Variants in SLC12A8 observed in about 807,000 individuals in gnomAD.
SLC12A8 encodes cation-chloride cotransporter 9.
Under a neutral mutation model 75.6 loss-of-function variants are expected in SLC12A8, and 69 were observed. The observed-to-expected ratio is 0.91, with a 90% CI of 0.75 to 1.11. The LOEUF (loss-of-function observed/expected upper bound fraction) is 1.11. SLC12A8 is among the 50% of genes most tolerant of loss of function. The probability of loss-of-function intolerance (pLI) is 0.00; values close to 1 mark genes in which losing one functional copy is unlikely to be tolerated. For missense variants in SLC12A8, 877 were observed against 896.7 expected (o/e 0.98, Z 0.28); for synonymous variants, 365 against 372.8 (o/e 0.98, Z 0.24).
intron 10 of SLC12A8, among the ~76,000 whole-genome samples, chr3:125,099,308 T>C (rs1230601305): frequency 6.6e-6 from 1 of 152,204 alleles, no homozygotes; most frequent in Non-Finnish European, 1.5e-5. Context: ...CCAGGCAATT[T>C]ACTAAAATAA....
At chr3:125,127,816 G>GA (rs1933245410) in intron 6 of SLC12A8, among the ~76,000 whole-genome samples, 1 of 151,934 alleles carries the variant, frequency 6.6e-6, no homozygotes, top group African/African-American at 2.4e-5. Flanking sequence ...TAATTATTTT[G>GA]ATAAAACAAT....
rs145278381 is a variant in SLC12A8, at chr3:125,129,520, G to A, written c.736+6149C>T. ...CCTAAATCCAGAGGAGCACCAGACC[G>A]AATCTCCAGCCGCTCTTCCCAGGAA... On this transcript the variant is annotated intron_variant, in intron 6 of 13. Coordinates refer to ENST00000469902, the MANE Select transcript of SLC12A8 (RefSeq NM_024628.6). 1.8e-3 allele frequency among the ~76,000 whole-genome samples: 268 copies of A among 152,132 alleles called. 2 individuals carry two copies. Among genetic ancestry groups the A allele is most frequent in the African/African-American group, 6.1e-3 (254 of 41,478 alleles).
intron 6 of SLC12A8, among the ~76,000 whole-genome samples, chr3:125,128,479 C>CT (rs34392392): frequency 0.014 from 1,549 of 109,826 alleles, 27 homozygotes; most frequent in Admixed American, 0.037. Flanking sequence ...CGCGCCCGGC[C>CT]TTTTTTTTTT....
intron 2 of SLC12A8, among the ~76,000 whole-genome samples, chr3:125,203,924 C>A (rs951803146): frequency 5.2e-4 from 79 of 152,128 alleles, no homozygotes; most frequent in African/African-American, 1.7e-3. Context: ...GTGGGCAAAA[C>A]ATCTAAATAG....
At chr3:125,192,244 G>A (rs773428823) in intron 2 of SLC12A8, among the ~76,000 whole-genome samples, 2 of 152,026 alleles carry the variant, frequency 1.3e-5, no homozygotes, top group East Asian at 3.9e-4. Flanking sequence ...TGCTCCTCAC[G>A]GCAGCCCCGT....
intron 2 of SLC12A8, among the ~76,000 whole-genome samples, chr3:125,201,537 G>A (rs1331063605): frequency 6.6e-6 from 1 of 152,032 alleles, no homozygotes; most frequent in Non-Finnish European, 1.5e-5. Context: ...TACTTTGGGA[G>A]GCCCATGGGA....
chr3:125,111,790 G>A (rs1939194625), intron 8 of SLC12A8, among the ~76,000 whole-genome samples: 1 of 151,676 alleles, frequency 6.6e-6, no homozygotes, highest in Non-Finnish European at 1.5e-5. Flanking sequence ...ACAGTTGATT[G>A]GAAAAAAAAA....
chr3:125,203,442 A>T (rs974824463), intron 2 of SLC12A8, among the ~76,000 whole-genome samples: 4 of 152,256 alleles, frequency 2.6e-5, no homozygotes, highest in African/African-American at 9.6e-5. Flanking sequence ...CCACATATTT[A>T]CAGCCAACTG....
chr3:125,105,204 C>A (rs1046527623), intron 10 of SLC12A8, among the ~76,000 whole-genome samples: 1 of 139,350 alleles, frequency 7.2e-6, no homozygotes, highest in African/African-American at 2.7e-5. Context: ...GATACAAAAT[C>A]GAGATAATAG....
chr3:125,139,621 C>G (rs73859126), intron 5 of SLC12A8, among the ~76,000 whole-genome samples: 5,249 of 152,282 alleles, frequency 0.034, 258 homozygotes, highest in African/African-American at 0.11. Flanking sequence ...ACCCAGACCT[C>G]AGGCATGGTT....
At chr3:125,108,694 A>T (rs481018) in intron 9 of SLC12A8, among the ~76,000 whole-genome samples, 81,841 of 152,100 alleles carry the variant, frequency 0.54, 22,687 homozygotes, top group South Asian at 0.7. Flanking sequence ...AACATGGGGC[A>T]TTATTATAGA....
intron 5 of SLC12A8, among the ~76,000 whole-genome samples, chr3:125,169,006 C>A (rs1332673646): frequency 6.6e-6 from 1 of 152,146 alleles, no homozygotes; most frequent in African/African-American, 2.4e-5. Context: ...CCTGTAGAGA[C>A]CAGGCTACCG....
chr3:125,121,402 C>A (rs1480532213), intron 6 of SLC12A8, among the ~76,000 whole-genome samples: 1 of 152,188 alleles, frequency 6.6e-6, no homozygotes, highest in Admixed American at 6.5e-5. Context: ...ATCCAGCCCA[C>A]AAGTGCCATA....
At position 125,187,222 on chromosome 3, in the gene SLC12A8, G is replaced by A. The variant is rs138422722; in HGVS notation, c.390+15C>T. 5.2e-5 allele frequency: 83 copies of A among 1,606,972 alleles called. No homozygotes were observed. Among genetic ancestry groups the A allele is most frequent in the Non-Finnish European group, 6.3e-5 (74 of 1,174,240 alleles). On this transcript the variant is annotated intron_variant, in intron 4 of 13. Transcript: ENST00000469902. ...GAGGGCCAGGCAGGGGAAGCATCCC[G>A]GGCGCAGGCCTCACCTGTCCAAACA... is the stretch of plus-strand genomic sequence containing the variant.
At chr3:125,096,853 A>G (rs1938724549) in intron 10 of SLC12A8, among the ~76,000 whole-genome samples, 1 of 152,032 alleles carries the variant, frequency 6.6e-6, no homozygotes, top group South Asian at 2.1e-4. Flanking sequence ...TTAGTTTTGT[A>G]CTTATCACTT....
intron 1 of SLC12A8, among the ~76,000 whole-genome samples, chr3:125,211,771 G>A (rs1935340860): frequency 6.6e-6 from 1 of 152,160 alleles, no homozygotes; most frequent in African/African-American, 2.4e-5. Flanking sequence ...CCAGGAGGAG[G>A]GCATCATGAC....
At chr3:125,091,406 G>C in intron 12 of SLC12A8, 33 bp downstream of exon 12, 1 of 1,408,292 alleles carries the variant, frequency 7.1e-7, no homozygotes, top group Non-Finnish European at 1.0e-6. Flanking sequence ...GAGAGAATGA[G>C]GGAACCAGTG....
intron 13 of SLC12A8, 21 bp downstream of exon 13, chr3:125,088,289 T>C: frequency 6.2e-7 from 1 of 1,613,598 alleles, no homozygotes. Context: ...ATTCTGGTAC[T>C]GGCTCCAAAT....
intron 5 of SLC12A8, among the ~76,000 whole-genome samples, chr3:125,163,264 C>T (rs1008897464): frequency 1.3e-5 from 2 of 151,804 alleles, no homozygotes; most frequent in African/African-American, 4.8e-5. Flanking sequence ...CACACCACTG[C>T]ACTCTAACCT....
Sources: allele counts gnomAD v4.1 joint callset (sites outside exome capture counted in the v4.1 genomes callset), GRCh38; gene constraint gnomAD v4.1.1; transcripts MANE v1.5; gene names NCBI Gene and HGNC (gene_info 2026-07-23, HGNC 2026-07-21).